Variants in EIF4G3 observed in about 807,000 individuals in gnomAD.
The protein encoded by EIF4G3 is eIF-4-gamma 3.
A neutral mutation model predicts 186.4 loss-of-function variants in EIF4G3; 34 were observed. The observed-to-expected ratio is 0.18, with a 90% CI of 0.14 to 0.24. The LOEUF (loss-of-function observed/expected upper bound fraction) is 0.24. Ranked by LOEUF, EIF4G3 falls within the 10% of genes least tolerant of loss-of-function variation. EIF4G3 has a pLI of 1.00. For synonymous variants in EIF4G3, 673 were observed against 679.5 expected, an observed-to-expected ratio of 0.99 and a Z score of 0.15; for missense variants, 1,536 against 1,948.5, an observed-to-expected ratio of 0.79 and a Z score of 3.99.
intron 12 of EIF4G3, among the ~76,000 whole-genome samples, chr1:20,951,545 T>G (rs1465766976): frequency 6.6e-6 from 1 of 152,160 alleles, no homozygotes; most frequent in African/African-American, 2.4e-5. Context: ...ATAGAAAGGT[T>G]CACAGCTAAA....
intron 20 of EIF4G3, among the ~76,000 whole-genome samples, chr1:20,872,921 G>C (rs151059981): frequency 2.0e-5 from 3 of 151,958 alleles, no homozygotes; most frequent in Admixed American, 2.0e-4. Context: ...ATTTTTAGTA[G>C]AGATGGGGTT....
intron 4 of EIF4G3, chr1:21,003,824 C>G (rs180827292): frequency 2.4e-5 from 9 of 379,276 alleles, no homozygotes; most frequent in Non-Finnish European, 4.1e-5. Flanking sequence ...CATGCCTCAT[C>G]ATCATGGTTA....
chr1:20,876,814 T>C (rs1199955626), intron 20 of EIF4G3, among the ~76,000 whole-genome samples: 5 of 152,016 alleles, frequency 3.3e-5, no homozygotes, highest in East Asian at 1.9e-4. Flanking sequence ...TCTGGGCAAA[T>C]AGTAAGACCT....
chr1:20,838,093 G>A (rs557701397), intron 30 of EIF4G3, among the ~76,000 whole-genome samples: 3 of 152,150 alleles, frequency 2.0e-5, no homozygotes, highest in African/African-American at 7.2e-5. Context: ...AATTATTGCC[G>A]GCAACAGCAA....
Position 20,849,397 on chromosome 1 carries a change from T to G in EIF4G3, c.3888+18A>C. ...AAAGGACTTACTGTGTGTGTGTTTT[T>G]TTTTTAATCTCATTTACCTTAAAAT... On this transcript the variant is annotated intron_variant, in intron 29 of 36. Coordinates refer to ENST00000602326, the MANE Select transcript of EIF4G3 (RefSeq NM_001391906.1). 7.3e-7 allele frequency: 1 copy of G among 1,371,482 alleles called. No individual in the cohort carries two copies. The highest frequency in any genetic ancestry group is 1.0e-6 in the Non-Finnish European group (1 of 1,000,154). 85.0% of individuals were successfully genotyped at this position (1,371,482 alleles called of 1,614,324 possible). A position where few individuals can be genotyped will look rare whatever the true frequency, so the allele number is the denominator to read the frequency against.
intron 3 of EIF4G3, among the ~76,000 whole-genome samples, chr1:21,066,808 A>G (rs1213408775): frequency 1.3e-5 from 2 of 152,170 alleles, no homozygotes; most frequent in Non-Finnish European, 2.9e-5. Flanking sequence ...TCCATTTACC[A>G]CACAACTAGT....
intron 6 of EIF4G3, among the ~76,000 whole-genome samples, chr1:21,000,406 T>C (rs1033368848): frequency 6.6e-6 from 1 of 151,762 alleles, no homozygotes; most frequent in Non-Finnish European, 1.5e-5. Context: ...AATGCAGAAA[T>C]AGAATGGAGT....
chr1:21,104,176 T>C (rs1474594039), intron 2 of EIF4G3, among the ~76,000 whole-genome samples: 1 of 152,182 alleles, frequency 6.6e-6, no homozygotes, highest in South Asian at 2.1e-4. Context: ...AGAAGTAATA[T>C]GATATGATCA....
At chr1:21,050,127 A>G (rs761439182) in intron 4 of EIF4G3, among the ~76,000 whole-genome samples, 100 of 152,184 alleles carry the variant, frequency 6.6e-4, no homozygotes, top group Non-Finnish European at 1.2e-3. Context: ...ATAATCTCAC[A>G]CAGTTAGATC....
intron 15 of EIF4G3, among the ~76,000 whole-genome samples, chr1:20,904,432 A>G (rs2091436770): frequency 6.6e-6 from 1 of 152,110 alleles, no homozygotes; most frequent in African/African-American, 2.4e-5. Flanking sequence ...TGCAGCCTCC[A>G]CCTCCAGGGC....
At chr1:20,855,889 C>A (rs1354817850) in intron 25 of EIF4G3, among the ~76,000 whole-genome samples, 1 of 152,120 alleles carries the variant, frequency 6.6e-6, no homozygotes, top group Admixed American at 6.6e-5. Context: ...AATTTACATA[C>A]TTAAAAATAT....
intron 30 of EIF4G3, among the ~76,000 whole-genome samples, chr1:20,832,638 T>G (rs1241236952): frequency 4.7e-5 from 7 of 150,482 alleles, no homozygotes; most frequent in East Asian, 1.9e-4. Flanking sequence ...GTCAATTTTG[T>G]CTTTTGTTGC....
Position 20,892,078 on chromosome 1 carries a change from C to A in EIF4G3, c.2253+1439G>T, listed in dbSNP as rs190826003. Among the ~76,000 whole-genome samples, 8 of 152,130 alleles carry A rather than the reference C, an allele frequency of 5.3e-5. No individual in the cohort carries two copies. The East Asian group carries it at 9.7e-4, about 18-fold the overall frequency. ...CACTGTTCGGTTGCAGGAAAATAATCAAATAATTTAAATATCTACAAAGTG... is the reference window on the plus strand; with the variant it reads ...CACTGTTCGGTTGCAGGAAAATAATAAAATAATTTAAATATCTACAAAGTG... On this transcript the variant is annotated intron_variant, in intron 18 of 36. Transcript: ENST00000602326.
chr1:21,156,170 T>C (rs2097658290), intron 2 of EIF4G3, among the ~76,000 whole-genome samples: 2 of 150,930 alleles, frequency 1.3e-5, no homozygotes, highest in South Asian at 4.2e-4. Context: ...GAGCTTTCAA[T>C]CAAAAACTAG....
Position 20,840,954 on chromosome 1 carries a change from G to A in EIF4G3, c.3963C>T (p.Ser1321=), listed in dbSNP as rs1221754395. 1 of 1,613,932 alleles carries A rather than the reference G, an allele frequency of 6.2e-7. No homozygotes were observed. Among genetic ancestry groups the A allele is most frequent in the African/African-American group, 1.3e-5 (1 of 74,900 alleles). ...LHVFVRVGVE[S]TLERSQITRD... Reference sequence around the variant, plus strand: ...TGGTGATCTGGCTCCTTTCCAGGGTGGACTCCACTCCCACTCTCACAAAAA... The same window carrying A: ...TGGTGATCTGGCTCCTTTCCAGGGTAGACTCCACTCCCACTCTCACAAAAA... Residue 1321 remains serine (S), a synonymous_variant, in exon 30 of 37, where the codon TCC becomes TCT. Coordinates refer to ENST00000602326, the MANE Select transcript of EIF4G3 (RefSeq NM_001391906.1).
At chr1:20,822,335 T>C (rs181608131) in intron 33 of EIF4G3, among the ~76,000 whole-genome samples, 3 of 151,158 alleles carry the variant, frequency 2.0e-5, no homozygotes, top group East Asian at 3.9e-4. Context: ...TTTATCACTT[T>C]TATCTTCTCA....
At chr1:21,047,005 A>G (rs938776983) in intron 4 of EIF4G3, among the ~76,000 whole-genome samples, 3 of 152,208 alleles carry the variant, frequency 2.0e-5, no homozygotes, top group Non-Finnish European at 2.9e-5. Context: ...CACAACCATC[A>G]TAACAACGCT....
At chr1:20,943,256 A>T (rs537905722) in intron 13 of EIF4G3, among the ~76,000 whole-genome samples, 1 of 152,340 alleles carries the variant, frequency 6.6e-6, no homozygotes, top group Non-Finnish European at 1.5e-5. Flanking sequence ...AATCCAATGA[A>T]AAAGAAAACA....
At position 20,982,372 on chromosome 1, in the gene EIF4G3, A is replaced by G. The variant is rs1324110719; in HGVS notation, c.198+16T>C. On this transcript the variant is annotated intron_variant, in intron 8 of 36. Coordinates refer to ENST00000602326, the MANE Select transcript of EIF4G3 (RefSeq NM_001391906.1). ...CTGAGTTATAAAGAGGCCATGCAGAACCAGTAGTTTGTTACCTGGATAGGT... is the reference window on the plus strand; with the variant it reads ...CTGAGTTATAAAGAGGCCATGCAGAGCCAGTAGTTTGTTACCTGGATAGGT... The G allele has an allele frequency of 4.6e-6, 7 of 1,520,956 alleles. No individual in the cohort carries two copies. The highest frequency in any genetic ancestry group is 6.1e-6 in the Non-Finnish European group (7 of 1,139,998). The allele number at this position is 1,520,956 out of a possible 1,614,324, so 94.2% of individuals were successfully genotyped here. A position where few individuals can be genotyped will look rare whatever the true frequency, so the allele number is the denominator to read the frequency against.
Sources: allele counts gnomAD v4.1 joint callset (sites outside exome capture counted in the v4.1 genomes callset), GRCh38; gene constraint gnomAD v4.1.1; transcripts MANE v1.5; gene names NCBI Gene and HGNC (gene_info 2026-07-23, HGNC 2026-07-21).